LTBP1: variants seen among roughly 807,000 people sequenced by gnomAD.
The protein encoded by LTBP1 is latent transforming growth factor beta binding protein 1, also known as latent-transforming growth factor beta-binding protein 1.
LTBP1 carries 129 observed loss-of-function variants against 207.6 expected under a neutral mutation model. The ratio of observed to expected loss-of-function variants is 0.62; its 90% CI spans 0.54 to 0.72. LTBP1 has a LOEUF of 0.72. Among genes scored for constraint, LTBP1 ranks in the 30% least tolerant of loss-of-function variants. The pLI, the probability that LTBP1 is intolerant of heterozygous loss-of-function variation, is 0.00. For missense variants in LTBP1, 2,281 were observed against 2,217.2 expected, an observed-to-expected ratio of 1.03 and a Z score of -0.58; for synonymous variants, 963 against 833.7, an observed-to-expected ratio of 1.16 and a Z score of -2.67.
intron 7 of LTBP1, among the ~76,000 whole-genome samples, chr2:33,190,359 C>T (rs1330920432): frequency 3.9e-5 from 6 of 152,106 alleles, no homozygotes; most frequent in African/African-American, 1.4e-4. Context: ...TGTATATGCG[C>T]ATGAAATACT....
chr2:32,947,395 G>A lies in LTBP1; in HGVS notation c.71G>A (p.Arg24Gln), dbSNP rs1676335824. ...AGLLASSAHG[R>Q]LRRITYVVHP... ...CTCCTCGCGTCCTCGGCGCACGGCC[G>A]GCTGCGGAGGATCACCTACGTGGTG... Residue 24 changes from arginine (R) to glutamine (Q), a missense_variant, in exon 1 of 34, where the codon CGG becomes CAG. By Grantham distance (43) the Arg-to-Gln change is conservative. Around this residue, in one of 3 missense-constraint regions of LTBP1, gnomAD observed 555 missense variants for 491.0 expected, o/e 1.13. Transcript: ENST00000404816. The A allele has an allele frequency of 1.4e-6, 2 of 1,405,642 alleles. No individual in the cohort carries two copies. Among genetic ancestry groups the A allele is most frequent in the South Asian group, 1.5e-5 (1 of 68,298 alleles). 87.1% of individuals were successfully genotyped at this position (1,405,642 alleles called of 1,614,324 possible).
chr2:33,221,689 A>T (rs2091116656), intron 8 of LTBP1, among the ~76,000 whole-genome samples: 1 of 152,212 alleles, frequency 6.6e-6, no homozygotes, highest in African/African-American at 2.4e-5. Context: ...AATAACAGAC[A>T]TCACCCAGAA....
intron 3 of LTBP1, among the ~76,000 whole-genome samples, chr2:33,069,457 G>A (rs559449397): frequency 3.3e-5 from 5 of 152,162 alleles, no homozygotes; most frequent in Non-Finnish European, 4.4e-5. Flanking sequence ...TCCTAGGAGG[G>A]CAACAAGCAA....
intron 10 of LTBP1, among the ~76,000 whole-genome samples, chr2:33,249,091 G>T (rs1025756919): frequency 6.6e-6 from 1 of 152,174 alleles, no homozygotes; most frequent in African/African-American, 2.4e-5. Flanking sequence ...TATTACAGAT[G>T]TGGGTGGGAG....
Position 33,245,012 on chromosome 2 carries a change from G to A in LTBP1, c.1999+1228G>A, listed in dbSNP as rs1446581046. ...TCCTACCTCAGCCTCCCAAGTAGCT[G>A]GGATTATGGGCATGTGCTACCACGC... On this transcript the variant is annotated intron_variant, in intron 10 of 33. Coordinates refer to ENST00000404816, the MANE Select transcript of LTBP1 (RefSeq NM_206943.4). 2.0e-5 allele frequency among the ~76,000 whole-genome samples: 3 copies of A among 152,118 alleles called. No homozygotes were observed. In the East Asian group the frequency reaches 5.8e-4, roughly 29 times the overall value.
intron 24 of LTBP1, among the ~76,000 whole-genome samples, chr2:33,340,947 TC>T (rs1423039550): frequency 6.6e-6 from 1 of 152,138 alleles, no homozygotes; most frequent in African/African-American, 2.4e-5. Context: ...AAAGTTTAAT[TC>T]CCCCCAAACT....
At chr2:33,389,359 C>A (rs990631100) in intron 32 of LTBP1, 53 bp downstream of exon 32, 2 of 1,604,052 alleles carry the variant, frequency 1.2e-6, no homozygotes, top group Admixed American at 3.4e-5. Context: ...GAAGATTAAT[C>A]AGTGGTCCTC....
At chr2:33,306,949 G>A (rs540960244) in intron 22 of LTBP1, among the ~76,000 whole-genome samples, 29 of 152,208 alleles carry the variant, frequency 1.9e-4, no homozygotes, top group Middle Eastern at 6.8e-3. Flanking sequence ...TCAGTTGGGC[G>A]TGGTGGTGGG....
chr2:33,210,116 T>C (rs2090197527), intron 7 of LTBP1, among the ~76,000 whole-genome samples: 1 of 152,222 alleles, frequency 6.6e-6, no homozygotes, highest in Non-Finnish European at 1.5e-5. Flanking sequence ...GAAAAGTCTG[T>C]TTCCTGTTCA....
At chr2:33,361,709 T>G (rs2305502) in intron 28 of LTBP1, among the ~76,000 whole-genome samples, 194 bp downstream of exon 28, 41,880 of 152,006 alleles carry the variant, frequency 0.28, 7,186 homozygotes, top group African/African-American at 0.49. Flanking sequence ...ATGCTCGGAG[T>G]TTGACATTGG....
chr2:33,373,477 A>T (rs1264963048), intron 31 of LTBP1, among the ~76,000 whole-genome samples: 1 of 152,044 alleles, frequency 6.6e-6, no homozygotes, highest in East Asian at 2.0e-4. Context: ...ATAGGCACTT[A>T]GTGAGGATCT....
chr2:33,101,837 C>T (rs1312191294), intron 3 of LTBP1, among the ~76,000 whole-genome samples: 2 of 152,168 alleles, frequency 1.3e-5, no homozygotes, highest in Admixed American at 6.6e-5. Flanking sequence ...TTAACAATAT[C>T]TCTTTCAATG....
At chr2:33,111,924 A>G (rs2080432306) in intron 4 of LTBP1, among the ~76,000 whole-genome samples, 1 of 152,218 alleles carries the variant, frequency 6.6e-6, no homozygotes, top group African/African-American at 2.4e-5. Context: ...CATCTATTTG[A>G]TTCTTAAAAA....
At chr2:33,258,538 A>G (rs2092922588) in intron 12 of LTBP1, among the ~76,000 whole-genome samples, 1 of 152,210 alleles carries the variant, frequency 6.6e-6, no homozygotes, top group South Asian at 2.1e-4. Flanking sequence ...TTGGTGAGGC[A>G]GAACAGGCAA....
At chr2:33,288,200 G>A (rs1307773710) in intron 19 of LTBP1, among the ~76,000 whole-genome samples, 1 of 152,174 alleles carries the variant, frequency 6.6e-6, no homozygotes, top group Non-Finnish European at 1.5e-5. Context: ...AGTAATACAG[G>A]TAAATTACTG....
intron 3 of LTBP1, among the ~76,000 whole-genome samples, chr2:33,078,404 A>C (rs1473564877): frequency 2.6e-5 from 4 of 152,176 alleles, no homozygotes; most frequent in African/African-American, 7.2e-5. Flanking sequence ...GACCTTACCT[A>C]AAATTAGCTG....
chr2:33,036,695 T>C (rs1186036016), intron 3 of LTBP1, among the ~76,000 whole-genome samples: 2 of 152,186 alleles, frequency 1.3e-5, no homozygotes, highest in African/African-American at 4.8e-5. Flanking sequence ...TGACCTCAGT[T>C]GATCCACCCA....
intron 32 of LTBP1, among the ~76,000 whole-genome samples, chr2:33,392,613 A>G (rs1249835572): frequency 6.6e-6 from 1 of 152,192 alleles, no homozygotes; most frequent in Non-Finnish European, 1.5e-5. Flanking sequence ...TTTATTTACA[A>G]AAATAGGTAG....
chr2:33,183,914 C>T (rs1001636635), intron 5 of LTBP1, among the ~76,000 whole-genome samples: 3 of 152,138 alleles, frequency 2.0e-5, no homozygotes, highest in Non-Finnish European at 4.4e-5. Context: ...ACTTGATCTG[C>T]AGCCTACGCC....
Sources: gnomAD v4.1 joint callset for allele counts (sites outside exome capture counted in the v4.1 genomes callset) on GRCh38, gnomAD v4.1.1 for gene constraint, gnomAD v4.1.1 regional missense constraint, MANE v1.5 for transcripts, NCBI Gene and HGNC (gene_info 2026-07-23, HGNC 2026-07-21) for gene names.